The following GRIA2 variants were observed in gnomAD, a reference collection of about 807,000 sequenced individuals.
GRIA2 encodes glutamate ionotropic receptor AMPA type subunit 2.
Under a neutral mutation model 97.3 loss-of-function variants are expected in GRIA2, and 14 were observed. That is an observed-to-expected ratio of 0.14 (90% CI 0.10 to 0.23). The LOEUF is 0.23. Among genes scored for constraint, GRIA2 ranks in the 10% least tolerant of loss-of-function variants. GRIA2 has a pLI of 1.00. For synonymous variants in GRIA2, 412 were observed against 387.8 expected (o/e 1.06, Z -0.73); for missense variants, 558 against 1,069.8 (o/e 0.52, Z 6.67).
intron 3 of GRIA2, among the ~76,000 whole-genome samples, chr4:157,310,656 C>T (rs996606688): frequency 4.6e-5 from 7 of 151,662 alleles, no homozygotes; most frequent in African/African-American, 7.3e-5. Context: ...TATTATTATA[C>T]CTAGACAATT....
chr4:157,231,258 C>G (rs1280184243), intron 2 of GRIA2, among the ~76,000 whole-genome samples: 1 of 152,128 alleles, frequency 6.6e-6, no homozygotes, highest in South Asian at 2.1e-4. Flanking sequence ...AGGCCGGTCA[C>G]GAACTCCTGA....
At chr4:157,323,372 A>G (rs1256729650) in intron 6 of GRIA2, among the ~76,000 whole-genome samples, 2 of 135,168 alleles carry the variant, frequency 1.5e-5, no homozygotes, top group African/African-American at 5.4e-5. Flanking sequence ...AAAAAGACAT[A>G]CTGTTTATAT....
In GRIA2 at chr4:157,354,215, T is replaced by C. The variant is rs529111586; in HGVS notation, c.2044-5681T>C. ...AGTTTTTAATTTCATATAGGTAATATATGATGTAGTTTTTGTGTAAAATAA... is the reference window on the plus strand; with the variant it reads ...AGTTTTTAATTTCATATAGGTAATACATGATGTAGTTTTTGTGTAAAATAA... On this transcript the variant is annotated intron_variant, in intron 12 of 15. Coordinates refer to ENST00000264426, the MANE Select transcript of GRIA2 (RefSeq NM_001083619.3). 5.9e-5 allele frequency among the ~76,000 whole-genome samples: 9 copies of C among 152,304 alleles called. 1 individual carries two copies. Among genetic ancestry groups the C allele is most frequent in the African/African-American group, 1.7e-4 (7 of 41,566 alleles).
rs1730102618 is a variant in GRIA2 at position 157,233,263 on chromosome 4, G to A, written c.229+11456G>A. On this transcript the variant is annotated intron_variant, in intron 2 of 15. Coordinates refer to ENST00000264426, the MANE Select transcript of GRIA2 (RefSeq NM_001083619.3). ...GACGAGAATGATTTTTAAAACCTGA[G>A]GTGTTACTCGAGTAGTACTTTGAAT... Among the ~76,000 whole-genome samples the A allele has an allele frequency of 3.3e-5, 5 of 152,178 alleles. No individual in the cohort carries two copies. The South Asian group carries it at 1.0e-3, about 32-fold the overall frequency.
chr4:157,303,610 T>G lies in GRIA2; in HGVS notation c.288T>G (p.Ser96=). The stretch of plus-strand genomic sequence containing the variant: ...TTTTTGGATTTTATGACAAGAAGTC[T>G]GTAAATACCATCACATCATTTTGCG... The part of the protein sequence containing the change: ...YAIFGFYDKK[S]VNTITSFCGT... Residue 96 remains serine (S), a synonymous_variant, in exon 3 of 16, where the codon TCT becomes TCG. Coordinates refer to ENST00000264426, the MANE Select transcript of GRIA2 (RefSeq NM_001083619.3). The G allele has an allele frequency of 6.2e-7, 1 of 1,613,990 alleles. No homozygotes were observed. Among genetic ancestry groups the G allele is most frequent in the Middle Eastern group, 1.7e-4 (1 of 6,060 alleles).
intron 2 of GRIA2, among the ~76,000 whole-genome samples, chr4:157,286,712 A>C (rs2126825725): frequency 6.6e-6 from 1 of 151,626 alleles, no homozygotes. Context: ...GTATTTTAGA[A>C]GGCATTTTTA....
chr4:157,276,643 A>G (rs1317896957), intron 2 of GRIA2, among the ~76,000 whole-genome samples: 4 of 151,874 alleles, frequency 2.6e-5, no homozygotes, highest in Admixed American at 2.6e-4. Flanking sequence ...GCTTCTAGAC[A>G]GGTTAACTGA....
At chr4:157,357,647 T>C (rs80004399) in intron 12 of GRIA2, among the ~76,000 whole-genome samples, 176 of 152,212 alleles carry the variant, frequency 1.2e-3, no homozygotes, top group Non-Finnish European at 1.9e-3. Context: ...TATAAAAAAA[T>C]GACTAACAGA....
chr4:157,283,778 G>A (rs1215027990), intron 2 of GRIA2, among the ~76,000 whole-genome samples: 2 of 151,836 alleles, frequency 1.3e-5, no homozygotes, highest in African/African-American at 4.8e-5. Context: ...ACACTCACTA[G>A]TAATCTTTAG....
At chr4:157,258,325 C>A (rs536954035) in intron 2 of GRIA2, among the ~76,000 whole-genome samples, 1 of 152,070 alleles carries the variant, frequency 6.6e-6, no homozygotes, top group East Asian at 2.0e-4. Flanking sequence ...AAAGAGAATG[C>A]ATTCCTAGGG....
At position 157,334,099 on chromosome 4, in the gene GRIA2, T is replaced by C; in HGVS notation, c.1245T>C (p.Thr415=). ...GNDTSGLENK[T]VVVTTILESP... ...ACACCTCTGGGCTTGAGAATAAGAC[T>C]GTTGTTGTCACCACAATTTTGGTAA... is the stretch of plus-strand genomic sequence containing the variant. Residue 415 remains threonine (T), a synonymous_variant, in exon 9 of 16, where the codon ACT becomes ACC. Coordinates refer to ENST00000264426, the MANE Select transcript of GRIA2 (RefSeq NM_001083619.3). The C allele has an allele frequency of 1.3e-6, 2 of 1,597,496 alleles. No individual in the cohort carries two copies. The highest frequency in any genetic ancestry group is 1.1e-5 in the South Asian group (1 of 90,700).
rs759531543 is a variant in GRIA2 at position 157,362,915 on chromosome 4, C to T, written c.2523C>T (p.Ala841=). 37 of 1,613,466 alleles carry T rather than the reference C, an allele frequency of 2.3e-5. No individual in the cohort carries two copies. The highest frequency in any genetic ancestry group is 7.7e-5 in the South Asian group (7 of 91,048). ...TTGAGTTCTGTTACAAGTCAAGGGC[C>T]GAGGCGAAACGAATGAAGGTGGCAA... ...ALIEFCYKSR[A]EAKRMKVAKN... The change falls in exon 15 of 16, where the codon GCC becomes GCT. Residue 841 remains alanine, a synonymous_variant. Coordinates refer to ENST00000264426, the MANE Select transcript of GRIA2 (RefSeq NM_001083619.3).
rs1327592617 is a variant in GRIA2 at position 157,259,045 on chromosome 4, G to T, written c.229+37238G>T. 2.0e-5 allele frequency among the ~76,000 whole-genome samples: 3 copies of T among 151,880 alleles called. No individual in the cohort carries two copies. The East Asian group carries it at 5.8e-4, about 30-fold the overall frequency. On this transcript the variant is annotated intron_variant, in intron 2 of 15. Coordinates refer to ENST00000264426, the MANE Select transcript of GRIA2 (RefSeq NM_001083619.3). ...GAGACCAGCCTGGGTAATATGGCAAGAAACCATCTCTACAAAAATATAAAA... is the reference window on the plus strand; with the variant it reads ...GAGACCAGCCTGGGTAATATGGCAATAAACCATCTCTACAAAAATATAAAA...
rs374305557 is a variant in GRIA2 at position 157,220,931 on chromosome 4, T to C, written c.-112T>C. ...AGGTTTTAGCAGCTTGGTGCTAAAT[T>C]GCTGTCTCAAAATGCAGAGGATCTA... On this transcript the variant is annotated 5_prime_UTR_variant, in exon 1 of 16. Coordinates refer to ENST00000264426, the MANE Select transcript of GRIA2 (RefSeq NM_001083619.3). 122 of 702,596 alleles carry C rather than the reference T, an allele frequency of 1.7e-4. 1 individual carries two copies. In the Middle Eastern group the frequency reaches 9.4e-3, roughly 54 times the overall value. The allele number at this position is 702,596 out of a possible 1,614,324, so 43.5% of individuals were successfully genotyped here. A position where few individuals can be genotyped will look rare whatever the true frequency, so the allele number is the denominator to read the frequency against.
chr4:157,362,652 C>A, intron 14 of GRIA2, 147 bp from the exon 15 acceptor site: 1 of 716,484 alleles, frequency 1.4e-6, no homozygotes, highest in Non-Finnish European at 2.4e-6. Flanking sequence ...TGAAAATGGA[C>A]CATCTAAGAG....
At position 157,221,160 on chromosome 4, in the gene GRIA2, T is replaced by G. The variant is rs766211887; in HGVS notation, c.88+30T>G. The G allele has an allele frequency of 2.1e-5, 22 of 1,061,990 alleles. No individual in the cohort carries two copies. In the South Asian group the frequency reaches 2.5e-4, roughly 12 times the overall value. 65.8% of individuals were successfully genotyped at this position (1,061,990 alleles called of 1,614,324 possible). A position where few individuals can be genotyped will look rare whatever the true frequency, so the allele number is the denominator to read the frequency against. On this transcript the variant is annotated intron_variant, in intron 1 of 15. Transcript: ENST00000264426. ...GTACCCTTTGTGCTATGCTTTTGAATTGTGCATAATTTGGTGGTAATCTTT... is the reference window on the plus strand; with the variant it reads ...GTACCCTTTGTGCTATGCTTTTGAAGTGTGCATAATTTGGTGGTAATCTTT...
chr4:157,321,588 A>G lies in GRIA2; in HGVS notation c.871A>G (p.Thr291Ala). The G allele has an allele frequency of 6.2e-7, 1 of 1,608,196 alleles. No individual in the cohort carries two copies. The highest frequency in any genetic ancestry group is 8.5e-7 in the Non-Finnish European group (1 of 1,176,540). ...EEKEYPGAHT[T>A]TIKYTSALTY... ...AAAAGAATACCCTGGAGCTCACACA[A>G]CAACAATTAAGGTTTGCTTTGGTTT... is the stretch of plus-strand genomic sequence containing the variant. Residue 291 changes from threonine to alanine, a missense_variant, in exon 6 of 16, where the codon ACA (threonine) becomes GCA (alanine). This residue lies in a region of GRIA2 where 173 missense variants were observed against 209.1 expected (regional missense o/e 0.83). Coordinates refer to ENST00000264426, the MANE Select transcript of GRIA2 (RefSeq NM_001083619.3).
chr4:157,221,750 C>A lies in GRIA2; in HGVS notation c.172C>A (p.Leu58Met), dbSNP rs779340546. Residue 58 changes from leucine to methionine, a missense_variant, in exon 2 of 16, where the codon CTG becomes ATG. Physicochemically the swap from Leu to Met is conservative, Grantham distance 15 (BLOSUM62 2). This residue lies in a region of GRIA2 where 96 missense variants were observed against 176.6 expected (regional missense o/e 0.54). Coordinates refer to ENST00000264426, the MANE Select transcript of GRIA2 (RefSeq NM_001083619.3). ...TCAGTTTTCCACTTCGGAGTTCAGA[C>A]TGACACCCCACATCGACAATTTGGA... ...MVQFSTSEFR[L>M]TPHIDNLEVA... The A allele has an allele frequency of 1.2e-6, 2 of 1,613,858 alleles. No homozygotes were observed. Among genetic ancestry groups the A allele is most frequent in the South Asian group, 2.2e-5 (2 of 91,070 alleles).
At chr4:157,277,838 A>ATATATATGTATATATGTATATATG (rs1217946188) in intron 2 of GRIA2, among the ~76,000 whole-genome samples, 1 of 142,414 alleles carries the variant, frequency 7.0e-6, no homozygotes, top group African/African-American at 2.6e-5. Context: ...ATATATGTAT[A>ATATATATGTATATATGTATATATG]TATATATGTA....
Sources: gnomAD v4.1 joint callset for allele counts (sites outside exome capture counted in the v4.1 genomes callset) on GRCh38, gnomAD v4.1.1 for gene constraint, gnomAD v4.1.1 regional missense constraint, MANE v1.5 for transcripts, NCBI Gene and HGNC (gene_info 2026-07-23, HGNC 2026-07-21) for gene names.